ALKBH6: variants seen among roughly 807,000 people sequenced by gnomAD.
The protein encoded by ALKBH6 is alkB homolog 6, nucleotide demethylase.
A neutral mutation model predicts 25.1 loss-of-function variants in ALKBH6; 20 were observed. That is an observed-to-expected ratio of 0.80 (90% CI 0.56 to 1.16). The LOEUF is 1.16. Among genes scored for constraint, ALKBH6 ranks in the 50% most tolerant of loss-of-function variants. ALKBH6 has a pLI of 0.00. For synonymous variants in ALKBH6, 156 were observed against 147.5 expected, an observed-to-expected ratio of 1.06 and a Z score of -0.42; for missense variants, 263 against 326.5, an observed-to-expected ratio of 0.81 and a Z score of 1.50.
Position 36,013,409 on chromosome 19 carries a change from C to T in ALKBH6, c.-12G>A. ...TCCTGCTCCTCCATCAACACCAACTCCTTGCACCCAATCCTGTAGGGAGGG... is the reference window on the plus strand; with the variant it reads ...TCCTGCTCCTCCATCAACACCAACTTCTTGCACCCAATCCTGTAGGGAGGG... On this transcript the variant is annotated 5_prime_UTR_variant, in exon 2 of 7. Transcript: ENST00000378875. This position sits in a 1 kb window ranked among gnomAD's most constrained non-coding sequence, Gnocchi z 4.6. 6.2e-7 allele frequency: 1 copy of T among 1,613,968 alleles called. No individual in the cohort carries two copies. The highest frequency in any genetic ancestry group is 8.5e-7 in the Non-Finnish European group (1 of 1,179,928).
At chr19:36,012,844 T>C in intron 3 of ALKBH6, 177 bp downstream of exon 3, 1 of 651,950 alleles carries the variant, frequency 1.5e-6, no homozygotes, top group South Asian at 1.8e-5. Context: ...TATAACCCCC[T>C]ATTCTCTAAG....
In ALKBH6 at chr19:36,014,168, AACTGACCGTCC is replaced by A. The variant is rs1183281161; in HGVS notation, c.-30_-26+6del. On this transcript the variant is annotated splice_donor_variant and splice_donor_5th_base_variant and 5_prime_UTR_variant and intron_variant, in exon 1 of 7. Transcript: ENST00000378875. LOFTEE classifies it low-confidence loss of function (5UTR_SPLICE). ...CATCTCTACCCCCAGCACTCCCCAA[AACTGACCGTCC>A]ACCAGCGTCCCCTCCAATTTCCAAA... 4 of 1,611,840 alleles carry A rather than the reference AACTGACCGTCC, an allele frequency of 2.5e-6. No homozygotes were observed. Among genetic ancestry groups the A allele is most frequent in the Non-Finnish European group, 3.4e-6 (4 of 1,179,094 alleles).
rs1184549722 is a variant in ALKBH6 at position 36,013,052 on chromosome 19, G to A, written c.92C>T (p.Ser31Phe). ...PVIYYVPDFI[S>F]KEEEEYLLRQ... ...AAGCAAATACTCCTCCTCTTCTTTG[G>A]AGATGAAGTCAGGGACATAGTAGAT... Residue 31 changes from serine (S) to phenylalanine (F), a missense_variant, in exon 3 of 7, where the codon TCC becomes TTC. Coordinates refer to ENST00000378875, the MANE Select transcript of ALKBH6 (RefSeq NM_032878.5). This position sits in a 1 kb window ranked among gnomAD's most constrained non-coding sequence, Gnocchi z 4.6. 9 of 1,614,078 alleles carry A rather than the reference G, an allele frequency of 5.6e-6. No individual in the cohort carries two copies. The highest frequency in any genetic ancestry group is 1.7e-5 in the Admixed American group (1 of 60,010).
In ALKBH6 at chr19:36,013,677, TCTC is replaced by T. The variant is rs1183998510; in HGVS notation, c.-25-258_-25-256del. 1.5e-6 allele frequency: 2 copies of T among 1,335,226 alleles called. No individual in the cohort carries two copies. The allele number at this position is 1,335,226 out of a possible 1,614,324, so 82.7% of individuals were successfully genotyped here. On this transcript the variant is annotated intron_variant, in intron 1 of 6. Coordinates refer to ENST00000378875, the MANE Select transcript of ALKBH6 (RefSeq NM_032878.5). The surrounding 1 kb of genome is among the most constrained non-coding windows in gnomAD (Gnocchi z 4.6). ...GGCCCATCCAACTACACATATGCCTTCTCAATCCTCCCACAGAGAACATTCTCT... is the reference window on the plus strand; with the variant it reads ...GGCCCATCCAACTACACATATGCCTTAATCCTCCCACAGAGAACATTCTCT...
chr19:36,009,331 C>G lies in ALKBH6; in HGVS notation c.676G>C (p.Val226Leu). 7.4e-7 allele frequency: 1 copy of G among 1,353,218 alleles called. No homozygotes were observed. Among genetic ancestry groups the G allele is most frequent in the South Asian group, 1.8e-5 (1 of 56,706 alleles). The allele number at this position is 1,353,218 out of a possible 1,614,324, so 83.8% of individuals were successfully genotyped here. The change falls in exon 7 of 7, where the codon GTG becomes CTG. Residue 226 changes from valine (V) to leucine (L), a missense_variant. Val to Leu is a conservative substitution (Grantham distance 32). Transcript: ENST00000378875. ...GTRVSLTIRR[V>L]PRVLRAGLLL... Reference sequence around the variant, plus strand: ...AGGCCGGCGCGCAGCACGCGGGGCACGCGGCGGATGGTCAGCGAGACCCGG... The same window carrying G: ...AGGCCGGCGCGCAGCACGCGGGGCAGGCGGCGGATGGTCAGCGAGACCCGG...
chr19:36,013,583 G>A lies in ALKBH6; in HGVS notation c.-25-161C>T, dbSNP rs895921017. 4.2e-6 allele frequency: 6 copies of A among 1,435,804 alleles called. No individual in the cohort carries two copies. The highest frequency in any genetic ancestry group is 5.5e-6 in the Non-Finnish European group (6 of 1,097,378). The allele number at this position is 1,435,804 out of a possible 1,614,324, so 88.9% of individuals were successfully genotyped here. Reference sequence around the variant, plus strand: ...TTCAGCATCTTACAAGCCACACAGAGAGCCCCTACGTTCCATGCCCGGACA... The same window carrying A: ...TTCAGCATCTTACAAGCCACACAGAAAGCCCCTACGTTCCATGCCCGGACA... On this transcript the variant is annotated intron_variant, in intron 1 of 6. Coordinates refer to ENST00000378875, the MANE Select transcript of ALKBH6 (RefSeq NM_032878.5). This position sits in a 1 kb window ranked among gnomAD's most constrained non-coding sequence, Gnocchi z 4.6.
intron 3 of ALKBH6, 76 bp from the exon 4 acceptor site, chr19:36,011,540 G>T (rs1282077254): frequency 1.3e-6 from 2 of 1,494,254 alleles, no homozygotes; most frequent in Non-Finnish European, 1.9e-6. Context: ...CAACATAGGG[G>T]CCTTTACCTC....
chr19:36,011,030 G>A lies in ALKBH6; in HGVS notation c.200C>T (p.Pro67Leu), dbSNP rs1214813378. The change falls in exon 5 of 7, where the codon CCC (proline) becomes CTC (leucine). Residue 67 changes from proline to leucine, a missense_variant. This residue lies in a region of ALKBH6 where 112 missense variants were observed against 153.0 expected (regional missense o/e 0.73). Transcript: ENST00000378875. ...KLQNWGGLPH[P>L]RGMVPERLPP... ...CAGCCGCTCAGGAACCATCCCTCGGGGATGAGGAAGCCCACCTGGGGAAGG... is the reference window on the plus strand; with the variant it reads ...CAGCCGCTCAGGAACCATCCCTCGGAGATGAGGAAGCCCACCTGGGGAAGG... 2 of 1,608,956 alleles carry A rather than the reference G, an allele frequency of 1.2e-6. No individual in the cohort carries two copies. The highest frequency in any genetic ancestry group is 3.4e-5 in the Admixed American group (2 of 59,384).
intron 6 of ALKBH6, 55 bp from the exon 7 acceptor site, chr19:36,009,608 G>GGGGGGGGGCC: frequency 5.9e-6 from 2 of 336,926 alleles, no homozygotes; most frequent in Non-Finnish European, 9.0e-6. Context: ...GTGGGGGTGG[G>GGGGGGGGGCC]CGAGAGGTCG....
intron 3 of ALKBH6, 67 bp downstream of exon 3, chr19:36,012,954 A>T (rs961686343): frequency 6.7e-7 from 1 of 1,494,390 alleles, no homozygotes. Context: ...GCTCTCATAC[A>T]GAGGATGGAC....
At position 36,010,600 on chromosome 19, in the gene ALKBH6, C is replaced by T. The variant is rs752864120; in HGVS notation, c.420G>A (p.Pro140=). Reference sequence around the variant, plus strand: ...TAGGGTCATCGTCCTCTGGCCGCCGCGGCTCGTAGAAGTCCAGCACGGTGT... The same window carrying T: ...TAGGGTCATCGTCCTCTGGCCGCCGTGGCTCGTAGAAGTCCAGCACGGTGT... The part of the protein sequence containing the change: ...GSHTVLDFYE[P]RRPEDDDPTE... The change falls in exon 6 of 7, where the codon CCG becomes CCA. Residue 140 remains proline, a synonymous_variant. Coordinates refer to ENST00000378875, the MANE Select transcript of ALKBH6 (RefSeq NM_032878.5). This position sits in a 1 kb window ranked among gnomAD's most constrained non-coding sequence, Gnocchi z 5.5. 7.4e-6 allele frequency: 12 copies of T among 1,613,852 alleles called. No homozygotes were observed. Among genetic ancestry groups the T allele is most frequent in the East Asian group, 4.5e-5 (2 of 44,886 alleles).
In ALKBH6 at chr19:36,010,300, T is replaced by G; in HGVS notation, c.453+267A>C. 2.2e-6 allele frequency: 1 copy of G among 454,530 alleles called. No homozygotes were observed. Among genetic ancestry groups the G allele is most frequent in the Non-Finnish European group, 4.0e-6 (1 of 250,284 alleles). The allele number at this position is 454,530 out of a possible 1,614,324, so 28.2% of individuals were successfully genotyped here. On this transcript the variant is annotated intron_variant, in intron 6 of 6. Transcript: ENST00000378875. This position sits in a 1 kb window ranked among gnomAD's most constrained non-coding sequence, Gnocchi z 5.5. ...TTAATGGCGGTGGGGTATCTAAGGA[T>G]ATCAGTGTCTGCTGGGGAGTCAGGG... is the stretch of plus-strand genomic sequence containing the variant.
chr19:36,014,153 C>T (rs755268349), intron 1 of ALKBH6, 22 bp downstream of exon 1: 3 of 1,612,058 alleles, frequency 1.9e-6, no homozygotes, highest in Non-Finnish European at 2.5e-6. Context: ...CATCTCTACC[C>T]CCAGCACTCC....
chr19:36,009,287 C>A lies in ALKBH6; in HGVS notation c.*3G>T. ...GGAATCCGAGGGGTCCCGGCCCTGG[C>A]GGTCACTTGCCCAGCAGGAGGCCGG... On this transcript the variant is annotated 3_prime_UTR_variant, in exon 7 of 7. Transcript: ENST00000378875. 2 of 1,348,812 alleles carry A rather than the reference C, an allele frequency of 1.5e-6. No individual in the cohort carries two copies. Among genetic ancestry groups the A allele is most frequent in the Middle Eastern group, 2.8e-4 (1 of 3,634 alleles). The allele number at this position is 1,348,812 out of a possible 1,614,324, so 83.6% of individuals were successfully genotyped here.
Position 36,009,374 on chromosome 19 carries a change from G to A in ALKBH6, c.633C>T (p.Ala211=). The A allele has an allele frequency of 7.9e-7, 1 of 1,268,486 alleles. No individual in the cohort carries two copies. Among genetic ancestry groups the A allele is most frequent in the African/African-American group, 1.5e-5 (1 of 64,550 alleles). 78.6% of individuals were successfully genotyped at this position (1,268,486 alleles called of 1,614,324 possible). The change falls in exon 7 of 7, where the codon GCC becomes GCT. Residue 211 remains alanine (A), a synonymous_variant. Coordinates refer to ENST00000378875, the MANE Select transcript of ALKBH6 (RefSeq NM_032878.5). The stretch of plus-strand genomic sequence containing the variant: ...AGACCCGGGTGCCGCGCACCAGGCA[G>A]GCTCCCGGCCGCGCCGACGGGCAGG... The part of the protein sequence containing the change: ...AAACPSARPG[A]CLVRGTRVSL...
Position 36,009,398 on chromosome 19 carries a change from G to A in ALKBH6, c.609C>T (p.Ala203=). Reference sequence around the variant, plus strand: ...AGGCTCCCGGCCGCGCCGACGGGCAGGCTGCCGCATTGGGCGGCGAGGAGG... The same window carrying A: ...AGGCTCCCGGCCGCGCCGACGGGCAAGCTGCCGCATTGGGCGGCGAGGAGG... ...DAASSPPNAA[A]CPSARPGACL... is the part of the protein sequence containing the mutation. Residue 203 remains alanine, a synonymous_variant, in exon 7 of 7, where the codon GCC becomes GCT. Coordinates refer to ENST00000378875, the MANE Select transcript of ALKBH6 (RefSeq NM_032878.5). The A allele has an allele frequency of 1.6e-6, 2 of 1,252,218 alleles. No individual in the cohort carries two copies. The highest frequency in any genetic ancestry group is 2.0e-6 in the Non-Finnish European group (2 of 999,798). 77.6% of individuals were successfully genotyped at this position (1,252,218 alleles called of 1,614,324 possible).
In ALKBH6 at chr19:36,013,840, C is replaced by T. The variant is rs917300312; in HGVS notation, c.-26+335G>A. 1 of 1,302,524 alleles carries T rather than the reference C, an allele frequency of 7.7e-7. No homozygotes were observed. Among genetic ancestry groups the T allele is most frequent in the South Asian group, 1.9e-5 (1 of 51,990 alleles). 80.7% of individuals were successfully genotyped at this position (1,302,524 alleles called of 1,614,324 possible). On this transcript the variant is annotated intron_variant, in intron 1 of 6. Coordinates refer to ENST00000378875, the MANE Select transcript of ALKBH6 (RefSeq NM_032878.5). The surrounding 1 kb of genome is among the most constrained non-coding windows in gnomAD (Gnocchi z 4.6). ...AGCCCGGCTATCAACACTCAGCGAC[C>T]CCCGCCCCCCACCGAATCCCATTCT... is the stretch of plus-strand genomic sequence containing the variant.
Position 36,009,199 on chromosome 19 carries a change from G to T in ALKBH6, c.*91C>A, listed in dbSNP as rs999454697. On this transcript the variant is annotated 3_prime_UTR_variant, in exon 7 of 7. Transcript: ENST00000378875. ...TTGGGAAAATAAATAACCCAGGGGA[G>T]CCCCCTTTGCCCACGGTTCCTAGGT... The T allele has an allele frequency of 1.2e-5, 15 of 1,225,820 alleles. No individual in the cohort carries two copies. The highest frequency in any genetic ancestry group is 1.5e-5 in the Non-Finnish European group (15 of 981,436). The allele number at this position is 1,225,820 out of a possible 1,614,324, so 75.9% of individuals were successfully genotyped here.
At position 36,009,510 on chromosome 19, in the gene ALKBH6, G is replaced by A. The variant is rs1968523884; in HGVS notation, c.497C>T (p.Pro166Leu). 8.0e-7 allele frequency: 1 copy of A among 1,254,654 alleles called. No homozygotes were observed. The highest frequency in any genetic ancestry group is 1.0e-6 in the Non-Finnish European group (1 of 1,001,242). 77.7% of individuals were successfully genotyped at this position (1,254,654 alleles called of 1,614,324 possible). A position where few individuals can be genotyped will look rare whatever the true frequency, so the allele number is the denominator to read the frequency against. ...PRPTTSLLLE[P>L]RSLLVLRGPA... ...GCCGCGGAGCACCAGCAGGCTGCGCGGTTCCAGCAGTAGCGAGGTGGTGGG... is the reference window on the plus strand; with the variant it reads ...GCCGCGGAGCACCAGCAGGCTGCGCAGTTCCAGCAGTAGCGAGGTGGTGGG... Residue 166 changes from proline to leucine, a missense_variant, in exon 7 of 7, where the codon CCG becomes CTG. Pro to Leu is a moderately conservative substitution (Grantham distance 98). This residue lies in a region of ALKBH6 where 148 missense variants were observed against 157.5 expected (regional missense o/e 0.94). Transcript: ENST00000378875.
Sources: gnomAD v4.1 joint callset for allele counts on GRCh38, gnomAD v4.1.1 for gene constraint, gnomAD v4.1.1 regional missense constraint, Gnocchi (gnomAD v3.1) non-coding constraint, MANE v1.5 for transcripts, NCBI Gene and HGNC (gene_info 2026-07-23, HGNC 2026-07-21) for gene names.